Variants in MAN1B1 observed in about 807,000 individuals in gnomAD.
MAN1B1 encodes endoplasmic reticulum mannosyl-oligosaccharide 1,2-alpha-mannosidase.
A neutral mutation model predicts 75.5 loss-of-function variants in MAN1B1; 66 were observed. That is an observed-to-expected ratio of 0.87 (90% CI 0.72 to 1.07). The LOEUF (loss-of-function observed/expected upper bound fraction) is 1.07. Among genes scored for constraint, MAN1B1 ranks in the 50% least tolerant of loss-of-function variants. The pLI, the probability that MAN1B1 is intolerant of heterozygous loss-of-function variation, is 0.00. For missense variants in MAN1B1, 973 were observed against 912.5 expected, an observed-to-expected ratio of 1.07 and a Z score of -0.85; for synonymous variants, 453 against 382.8, an observed-to-expected ratio of 1.18 and a Z score of -2.14.
chr9:137,094,496 T>C, intron 3 of MAN1B1: 1 of 330,502 alleles, frequency 3.0e-6, no homozygotes, highest in Admixed American at 3.1e-5. Flanking sequence ...TCCCAGCACT[T>C]TGAGAGGCCG....
chr9:137,087,074 CGG>C lies in MAN1B1; in HGVS notation c.78_79del (p.Ala27ProfsTer34). 1 of 1,602,802 alleles carries C rather than the reference CGG, an allele frequency of 6.2e-7. No homozygotes were observed. Reference sequence around the variant, plus strand: ...CGGACTTCCTGACGCCGCCAGTGGGCGGGGCCCCTTGGGCCGTCGCCACCACT... The same window carrying C: ...CGGACTTCCTGACGCCGCCAGTGGGCGGCCCCTTGGGCCGTCGCCACCACT... ...QSDFLTPPVG[G>X]APWAVATTVV... On this transcript the variant is annotated frameshift_variant, in exon 1 of 13. Transcript: ENST00000371589. LOFTEE classifies it high-confidence loss of function.
chr9:137,090,852 C>T (rs1156321837), intron 3 of MAN1B1, among the ~76,000 whole-genome samples: 5 of 152,078 alleles, frequency 3.3e-5, no homozygotes, highest in African/African-American at 1.2e-4. Context: ...ATTTCTTTAA[C>T]AAGAAAATGT....
chr9:137,106,324 C>T lies in MAN1B1; in HGVS notation c.1445+9C>T, dbSNP rs1319023855. 29 of 1,545,882 alleles carry T rather than the reference C, an allele frequency of 1.9e-5. No individual in the cohort carries two copies. The highest frequency in any genetic ancestry group is 9.8e-5 in the East Asian group (4 of 40,964). On this transcript the variant is annotated intron_variant, in intron 9 of 12. Transcript: ENST00000371589. ...GGGAAGCAGGAGACACAGTGAGGCC[C>T]GGCCCGCTGCCCCCAGCTCCCGCGG...
rs563068889 is a variant in MAN1B1, at chr9:137,109,079, C to T, written c.*488C>T. 13 of 455,864 alleles carry T rather than the reference C, an allele frequency of 2.9e-5. No individual in the cohort carries two copies. Among genetic ancestry groups the T allele is most frequent in the African/African-American group, 1.8e-4 (9 of 50,046 alleles). The allele number at this position is 455,864 out of a possible 1,614,324, so 28.2% of individuals were successfully genotyped here. A position where few individuals can be genotyped will look rare whatever the true frequency, so the allele number is the denominator to read the frequency against. ...AGCTGGACTCAGGGATCCTCCTGGCCGCCCCGCAGGGGGCTTGGAGGGCTG... is the reference window on the plus strand; with the variant it reads ...AGCTGGACTCAGGGATCCTCCTGGCTGCCCCGCAGGGGGCTTGGAGGGCTG... On this transcript the variant is annotated 3_prime_UTR_variant, in exon 13 of 13. Coordinates refer to ENST00000371589, the MANE Select transcript of MAN1B1 (RefSeq NM_016219.5).
intron 4 of MAN1B1, 24 bp downstream of exon 4, chr9:137,096,415 A>G: frequency 6.2e-7 from 1 of 1,611,574 alleles, no homozygotes; most frequent in Non-Finnish European, 8.5e-7. Flanking sequence ...GGCAGGCTGC[A>G]CGCCGCCGCT....
chr9:137,097,688 C>T, intron 4 of MAN1B1, 140 bp from the exon 5 acceptor site: 1 of 707,732 alleles, frequency 1.4e-6, no homozygotes, highest in Non-Finnish European at 2.6e-6. Flanking sequence ...TTTCCTGCCA[C>T]TCAGCAGCCT....
In MAN1B1 at chr9:137,106,233, G is replaced by A. The variant is rs201323382; in HGVS notation, c.1363G>A (p.Val455Ile). 46 of 1,603,700 alleles carry A rather than the reference G, an allele frequency of 2.9e-5. No homozygotes were observed. Among genetic ancestry groups the A allele is most frequent in the East Asian group, 1.1e-4 (5 of 44,624 alleles). Residue 455 changes from valine to isoleucine, a missense_variant, in exon 9 of 13, where the codon GTA becomes ATA. Val to Ile is a conservative substitution (Grantham distance 29). Transcript: ENST00000371589. ...THSGLFTHLG[V>I]FTLGARADSY... ...CAGTGGCCTCTTCACCCACCTGGGCGTATTCACGCTGGGCGCCAGGGCCGA... is the reference window on the plus strand; with the variant it reads ...CAGTGGCCTCTTCACCCACCTGGGCATATTCACGCTGGGCGCCAGGGCCGA...
intron 6 of MAN1B1, 45 bp from the exon 7 acceptor site, chr9:137,100,960 G>T: frequency 1.2e-6 from 2 of 1,610,814 alleles, no homozygotes; most frequent in South Asian, 1.1e-5. Context: ...GAAAACGTTG[G>T]AGCCATCCAT....
intron 8 of MAN1B1, chr9:137,102,831 C>T (rs1830904884): frequency 5.1e-6 from 1 of 196,962 alleles, no homozygotes. Context: ...GGTGGTGTTA[C>T]ACACATTCAC....
intron 8 of MAN1B1, chr9:137,105,803 C>T (rs1183979049): frequency 7.8e-6 from 4 of 515,472 alleles, no homozygotes; most frequent in Non-Finnish European, 1.5e-5. Context: ...GGTGGGCTCT[C>T]GTGAGGACAG....
chr9:137,101,099 G>C lies in MAN1B1; in HGVS notation c.1011G>C (p.Gly337=), dbSNP rs142836717. 19 of 1,614,020 alleles carry C rather than the reference G, an allele frequency of 1.2e-5. No individual in the cohort carries two copies. The African/African-American group carries it at 2.3e-4, about 19-fold the overall frequency. Residue 337 remains glycine, a synonymous_variant, in exon 7 of 13, where the codon GGG becomes GGC. Transcript: ENST00000371589. The part of the protein sequence containing the change: ...NLFESTIRIL[G]GLLSAYHLSG... ...TTGAGAGCACGATCCGCATCCTGGG[G>C]GGGCTCCTGAGTGCCTACCACCTGT...
chr9:137,087,349 C>CA, intron 1 of MAN1B1, 131 bp downstream of exon 1: 1 of 1,062,570 alleles, frequency 9.4e-7, no homozygotes, highest in Non-Finnish European at 1.4e-6. Flanking sequence ...CCCTTCCCCG[C>CA]AAAAAGGGGC....
In MAN1B1 at chr9:137,107,566, C is replaced by G; in HGVS notation, c.1800C>G (p.Thr600=). ...ADRHNLLRPE[T]VESLFYLYRV... is the part of the protein sequence containing the mutation. ...GGCACAACCTGCTGCGGCCAGAGACCGTGGAGAGCCTGTTCTACCTGTACC... is the reference window on the plus strand; with the variant it reads ...GGCACAACCTGCTGCGGCCAGAGACGGTGGAGAGCCTGTTCTACCTGTACC... Residue 600 remains threonine (T), a synonymous_variant, in exon 12 of 13, where the codon ACC becomes ACG. Coordinates refer to ENST00000371589, the MANE Select transcript of MAN1B1 (RefSeq NM_016219.5). The G allele has an allele frequency of 6.2e-7, 1 of 1,612,710 alleles. No homozygotes were observed. The highest frequency in any genetic ancestry group is 1.6e-4 in the Middle Eastern group (1 of 6,062).
chr9:137,106,942 G>C (rs1032779440), intron 10 of MAN1B1, 133 bp downstream of exon 10: 29 of 1,246,702 alleles, frequency 2.3e-5, no homozygotes, highest in Non-Finnish European at 3.1e-5. Flanking sequence ...GACCGTGGCT[G>C]CCTGGCCAGG....
chr9:137,106,477 G>C (rs1443961273), intron 9 of MAN1B1, 162 bp downstream of exon 9: 1 of 949,640 alleles, frequency 1.1e-6, no homozygotes, highest in African/African-American at 1.6e-5. Context: ...GCATTTATGT[G>C]GAGGGCGTAT....
At chr9:137,104,287 G>A in intron 8 of MAN1B1, 1 of 356,812 alleles carries the variant, frequency 2.8e-6, no homozygotes, top group South Asian at 2.2e-5. Flanking sequence ...TCAGGCTGGA[G>A]TGCAGTGGCG....
chr9:137,088,094 G>C lies in MAN1B1; in HGVS notation c.239G>C (p.Arg80Thr). The C allele has an allele frequency of 6.2e-7, 1 of 1,614,108 alleles. No individual in the cohort carries two copies. Among genetic ancestry groups the C allele is most frequent in the Non-Finnish European group, 8.5e-7 (1 of 1,179,958 alleles). The change falls in exon 2 of 13, where the codon AGA (arginine) becomes ACA (threonine). Residue 80 changes from arginine (R) to threonine (T), a missense_variant. Arg to Thr is a moderately conservative substitution (Grantham distance 71, BLOSUM62 -1). Transcript: ENST00000371589. ...CCTTAGAAATGGAAGCAACTGTCGAGATTGCAGCGGAATATGATTCTCTTC... is the reference window on the plus strand; with the variant it reads ...CCTTAGAAATGGAAGCAACTGTCGACATTGCAGCGGAATATGATTCTCTTC... ...SCWRKWKQLSRLQRNMILFLL... is the reference protein window; with the variant it reads ...SCWRKWKQLSTLQRNMILFLL...
chr9:137,103,369 T>C (rs1394348098), intron 8 of MAN1B1: 4 of 420,804 alleles, frequency 9.5e-6, no homozygotes, highest in Non-Finnish European at 1.8e-5. Context: ...TGCAGGTCAG[T>C]GGTGTTACAT....
At chr9:137,105,808 G>A (rs997425247) in intron 8 of MAN1B1, 3 of 536,774 alleles carry the variant, frequency 5.6e-6, no homozygotes, top group Non-Finnish European at 1.1e-5. Context: ...GCTCTCGTGA[G>A]GACAGTGCCT....
Sources: gnomAD v4.1 joint callset for allele counts (sites outside exome capture counted in the v4.1 genomes callset) on GRCh38, gnomAD v4.1.1 for gene constraint, MANE v1.5 for transcripts, NCBI Gene and HGNC (gene_info 2026-07-23, HGNC 2026-07-21) for gene names.